The following MRM1 variants were observed in gnomAD, a reference collection of about 807,000 sequenced individuals.
MRM1 encodes the protein rRNA methyltransferase 1, mitochondrial.
A neutral mutation model predicts 25.0 loss-of-function variants in MRM1; 24 were observed. The observed-to-expected ratio is 0.96, with a 90% confidence interval of 0.69 to 1.35. The LOEUF is 1.35. MRM1 is among the 40% of genes most tolerant of loss of function. MRM1 has a pLI of 0.00. For synonymous variants in MRM1, 188 were observed against 199.2 expected (o/e 0.94, Z 0.47); for missense variants, 431 against 464.1 (o/e 0.93, Z 0.65).
At chr17:36,629,156 G>T in the MRM1 span, among the ~76,000 whole-genome samples, 1 of 152,160 alleles carries the variant, frequency 6.6e-6, no homozygotes, top group South Asian at 2.1e-4. Context: ...ACAAAATAGT[G>T]CAAAGAGATT....
intron 2 of MRM1, among the ~76,000 whole-genome samples, chr17:36,604,120 A>G (rs550173905): frequency 6.6e-6 from 1 of 152,312 alleles, no homozygotes; most frequent in South Asian, 2.1e-4. Context: ...ACTCAGAGAC[A>G]CTGCTGTAGC....
At position 36,608,482 on chromosome 17, in the gene MRM1, G is replaced by C. The variant is rs560205032; in HGVS notation, c.*67G>C. On this transcript the variant is annotated 3_prime_UTR_variant, in exon 5 of 5. Coordinates refer to ENST00000614766, the MANE Select transcript of MRM1 (RefSeq NM_024864.5). ...GCCGCACCTGCCTCCGCCGGCTCCA[G>C]TGTGCGGGGAGCCTCTGCCTGAGTG... 2.3e-6 allele frequency: 3 copies of C among 1,294,360 alleles called. No homozygotes were observed. Among genetic ancestry groups the C allele is most frequent in the African/African-American group, 3.0e-5 (2 of 67,004 alleles). 80.2% of individuals were successfully genotyped at this position (1,294,360 alleles called of 1,614,324 possible). A position where few individuals can be genotyped will look rare whatever the true frequency, so the allele number is the denominator to read the frequency against.
At chr17:36,604,312 A>G (rs142674384) in intron 2 of MRM1, among the ~76,000 whole-genome samples, 17 of 152,170 alleles carry the variant, frequency 1.1e-4, no homozygotes, top group Non-Finnish European at 1.9e-4. Flanking sequence ...TCTGTTCTCA[A>G]TTCTTTTCTG....
At position 36,607,968 on chromosome 17, in the gene MRM1, G is replaced by C; in HGVS notation, c.839G>C (p.Arg280Pro). ...CAGCTTCTCCTCACCATCCTGCCCC[G>C]GCGCCAGCTGCCTCCTGGACTTGAG... ...SCQLLLTILP[R>P]RQLPPGLESL... is the part of the protein sequence containing the mutation. Residue 280 changes from arginine to proline, a missense_variant, in exon 4 of 5, where the codon CGG becomes CCG. Transcript: ENST00000614766. The C allele has an allele frequency of 2.5e-6, 4 of 1,614,142 alleles. No individual in the cohort carries two copies. Among genetic ancestry groups the C allele is most frequent in the Non-Finnish European group, 3.4e-6 (4 of 1,180,038 alleles).
the MRM1 span, among the ~76,000 whole-genome samples, chr17:36,616,714 A>G: frequency 2.6e-5 from 4 of 152,048 alleles, no homozygotes; most frequent in Admixed American, 2.0e-4. Flanking sequence ...TGTTTCCCTT[A>G]CCATACTTTT....
the MRM1 span, among the ~76,000 whole-genome samples, chr17:36,632,281 A>C: frequency 6.6e-6 from 1 of 152,150 alleles, no homozygotes; most frequent in South Asian, 2.1e-4. Context: ...GGCAGGGTGC[A>C]GCTTGGGCCT....
At chr17:36,611,122 C>A (rs1467352233), downstream of MRM1, among the ~76,000 whole-genome samples, 3 of 152,214 alleles carry the variant, frequency 2.0e-5, no homozygotes, top group African/African-American at 7.2e-5. Context: ...GCCGATATTT[C>A]TTAAAGCTAC....
the MRM1 span, among the ~76,000 whole-genome samples, chr17:36,618,090 G>A: frequency 6.6e-6 from 1 of 152,276 alleles, no homozygotes; most frequent in Admixed American, 6.5e-5. Flanking sequence ...AGGGGGAAGT[G>A]GGGTTCTCCC....
the MRM1 span, among the ~76,000 whole-genome samples, chr17:36,625,850 C>T: frequency 6.6e-6 from 1 of 152,106 alleles, no homozygotes; most frequent in Non-Finnish European, 1.5e-5. Flanking sequence ...AATCTGTAGG[C>T]TTTTATTGGA....
the MRM1 span, among the ~76,000 whole-genome samples, chr17:36,629,831 G>A: frequency 6.6e-6 from 1 of 152,202 alleles, no homozygotes; most frequent in African/African-American, 2.4e-5. Flanking sequence ...AAAGCCTAGG[G>A]CTGTAGACCT....
chr17:36,623,689 G>A, the MRM1 span, among the ~76,000 whole-genome samples: 15 of 152,202 alleles, frequency 9.9e-5, no homozygotes, highest in African/African-American at 2.4e-4. Context: ...AACACCTTGC[G>A]CTGCCCCTGC....
chr17:36,619,250 C>T, the MRM1 span, among the ~76,000 whole-genome samples: 3 of 152,196 alleles, frequency 2.0e-5, no homozygotes, highest in Non-Finnish European at 4.4e-5. Context: ...AATAATATTT[C>T]ATTGTCTGTG....
Position 36,608,689 on chromosome 17 carries a change from G to A in MRM1, c.*274G>A. 2 of 382,588 alleles carry A rather than the reference G, an allele frequency of 5.2e-6. No homozygotes were observed. Among genetic ancestry groups the A allele is most frequent in the Non-Finnish European group, 9.3e-6 (2 of 215,826 alleles). The allele number at this position is 382,588 out of a possible 1,614,324, so 23.7% of individuals were successfully genotyped here. ...GGGAATCTGTTCCCAGGCCCTGCCT[G>A]GAAGTTGAGGGAAAGTTTAGACATC... On this transcript the variant is annotated 3_prime_UTR_variant, in exon 5 of 5. Coordinates refer to ENST00000614766, the MANE Select transcript of MRM1 (RefSeq NM_024864.5).
intron 2 of MRM1, 146 bp from the exon 3 acceptor site, chr17:36,607,524 G>A: frequency 1.1e-6 from 1 of 946,534 alleles, no homozygotes; most frequent in Non-Finnish European, 1.5e-6. Context: ...TTGGGAGGCT[G>A]AGGTGGGAGG....
At chr17:36,634,633 C>T in the MRM1 span, 1 of 152,320 alleles carries the variant, frequency 6.6e-6, no homozygotes, top group South Asian at 2.1e-4. Flanking sequence ...ACTCCCTCAT[C>T]GTTGGATATG....
chr17:36,619,292 C>T, the MRM1 span, among the ~76,000 whole-genome samples: 2 of 152,232 alleles, frequency 1.3e-5, no homozygotes, highest in African/African-American at 2.4e-5. Context: ...ATCCATCCAT[C>T]GATGGGCACC....
chr17:36,606,334 T>A (rs1404203125), intron 2 of MRM1, among the ~76,000 whole-genome samples: 1 of 152,134 alleles, frequency 6.6e-6, no homozygotes, highest in African/African-American at 2.4e-5. Context: ...TTAATAACTA[T>A]TGACTAATTG....
At chr17:36,604,265 A>G (rs1030965363) in intron 2 of MRM1, among the ~76,000 whole-genome samples, 1 of 152,188 alleles carries the variant, frequency 6.6e-6, no homozygotes, top group African/African-American at 2.4e-5. Context: ...GGCTTCATCA[A>G]GGTCACCAGT....
At position 36,608,347 on chromosome 17, in the gene MRM1, G is replaced by A. The variant is rs1567849126; in HGVS notation, c.994G>A (p.Gly332Arg). ...DPQEPSARSE[G>R]LSMAQHPGLS... ...CCAAGAACCCTCAGCCAGGTCTGAA[G>A]GGCTCAGCATGGCTCAGCACCCAGG... is the stretch of plus-strand genomic sequence containing the variant. The change falls in exon 5 of 5, where the codon GGG becomes AGG. Residue 332 changes from glycine (G) to arginine (R), a missense_variant. Coordinates refer to ENST00000614766, the MANE Select transcript of MRM1 (RefSeq NM_024864.5). 9 of 1,611,536 alleles carry A rather than the reference G, an allele frequency of 5.6e-6. No homozygotes were observed. Among genetic ancestry groups the A allele is most frequent in the Non-Finnish European group, 7.6e-6 (9 of 1,178,864 alleles).
Sources: gnomAD v4.1 joint callset for allele counts (sites outside exome capture counted in the v4.1 genomes callset) on GRCh38, gnomAD v4.1.1 for gene constraint, MANE v1.5 for transcripts, NCBI Gene and HGNC (gene_info 2026-07-23, HGNC 2026-07-21) for gene names.